Variants in CHID1 observed in about 807,000 individuals in gnomAD.
The protein encoded by CHID1 is chitinase domain-containing protein 1.
CHID1 carries 44 observed loss-of-function variants against 55.4 expected under a neutral mutation model. The ratio of observed to expected loss-of-function variants is 0.79; its 90% CI spans 0.62 to 1.02. The LOEUF (loss-of-function observed/expected upper bound fraction) is 1.02, where lower values mean the gene tolerates loss of function less well. CHID1 is among the 50% of genes least tolerant of loss of function. The pLI, the probability that CHID1 is intolerant of heterozygous loss-of-function variation, is 0.00. For synonymous variants in CHID1, 216 were observed against 212.9 expected, an observed-to-expected ratio of 1.01 and a Z score of -0.13; for missense variants, 491 against 515.3, an observed-to-expected ratio of 0.95 and a Z score of 0.46.
intron 8 of CHID1, among the ~76,000 whole-genome samples, chr11:888,410 G>A (rs973955437): frequency 6.6e-6 from 1 of 152,192 alleles, no homozygotes; most frequent in African/African-American, 2.4e-5. Context: ...AAGGGCCACT[G>A]CCAGGTGTCC....
In CHID1 at chr11:870,111, G is replaced by A. The variant is rs369487093; in HGVS notation, c.1083+10C>T. On this transcript the variant is annotated intron_variant, in intron 12 of 12. Transcript: ENST00000323578. ...CCCTCCCCCGGTCCCACGGCTGGCA[G>A]CACACGCACCTTCAGGGTTGGGTAG... 1 of 1,612,816 alleles carries A rather than the reference G, an allele frequency of 6.2e-7. No individual in the cohort carries two copies. Among genetic ancestry groups the A allele is most frequent in the Non-Finnish European group, 8.5e-7 (1 of 1,179,950 alleles).
At position 869,943 on chromosome 11, in the gene CHID1, C is replaced by G; in HGVS notation, c.1097G>C (p.Arg366Pro). The G allele has an allele frequency of 6.2e-7, 1 of 1,612,852 alleles. No homozygotes were observed. Among genetic ancestry groups the G allele is most frequent in the Non-Finnish European group, 8.5e-7 (1 of 1,179,910 alleles). The change falls in exon 13 of 13, where the codon CGG (arginine) becomes CCG (proline). Residue 366 changes from arginine (R) to proline (P), a missense_variant. Coordinates refer to ENST00000323578, the MANE Select transcript of CHID1 (RefSeq NM_023947.4). ...FYPTLKSLQV[R>P]LELARELGVG... Reference sequence around the variant, plus strand: ...GCCCAGCTCCCGGGCCAGCTCCAGCCGCACCTGCAGGGACTGGGCACAGAT... The same window carrying G: ...GCCCAGCTCCCGGGCCAGCTCCAGCGGCACCTGCAGGGACTGGGCACAGAT...
intron 10 of CHID1, among the ~76,000 whole-genome samples, chr11:881,830 T>C (rs957069125): frequency 6.6e-6 from 1 of 151,408 alleles, no homozygotes; most frequent in Non-Finnish European, 1.5e-5. Flanking sequence ...GGCAAAACCC[T>C]GTCTCTACAA....
upstream of CHID1, among the ~76,000 whole-genome samples, chr11:911,613 T>C (rs1852693046): frequency 6.6e-6 from 1 of 152,172 alleles, no homozygotes; most frequent in African/African-American, 2.4e-5. Flanking sequence ...CAGCTGCTTC[T>C]CCATTTCTGC....
At chr11:882,471 A>C (rs2134169839) in intron 10 of CHID1, 1 of 152,376 alleles carries the variant, frequency 6.6e-6, no homozygotes, top group South Asian at 2.1e-4. Context: ...AAATTTTCCA[A>C]GTTTGCTAAG....
upstream of CHID1, chr11:911,032 C>G (rs1852653479): frequency 6.5e-6 from 1 of 154,840 alleles, no homozygotes; most frequent in African/African-American, 2.4e-5. Flanking sequence ...GGTGCTCGCG[C>G]TGGAGCTGGT....
At chr11:912,322 C>CA (rs905019490), upstream of CHID1, among the ~76,000 whole-genome samples, 67 of 151,462 alleles carry the variant, frequency 4.4e-4, no homozygotes, top group African/African-American at 9.4e-4. Flanking sequence ...CTCAAAAAAA[C>CA]AAAAAAAAGA....
chr11:881,706 C>T (rs1309130885), intron 10 of CHID1, among the ~76,000 whole-genome samples: 1 of 151,536 alleles, frequency 6.6e-6, no homozygotes, highest in African/African-American at 2.4e-5. Flanking sequence ...TTGGGCACAG[C>T]AAGAGAAATG....
At position 878,704 on chromosome 11, in the gene CHID1, CT is replaced by C. The variant is rs910751352; in HGVS notation, c.959+4443del. On this transcript the variant is annotated intron_variant, in intron 10 of 12. Coordinates refer to ENST00000323578, the MANE Select transcript of CHID1 (RefSeq NM_023947.4). ...ATTTGAAGAAATAGTCTTTTTTATT[CT>C]TTTTTTTTTAATTTGAGACAGAGTC... 2.3e-3 allele frequency among the ~76,000 whole-genome samples: 343 copies of C among 149,186 alleles called. 2 individuals carry two copies. The highest frequency in any genetic ancestry group is 7.9e-3 in the African/African-American group (323 of 40,798).
chr11:893,453 C>T lies in CHID1; in HGVS notation c.675G>A (p.Leu225=), dbSNP rs1432280806. 6.4e-7 allele frequency: 1 copy of T among 1,551,508 alleles called. No individual in the cohort carries two copies. The highest frequency in any genetic ancestry group is 8.7e-7 in the Non-Finnish European group (1 of 1,147,320). ...ALHQARLLAL[L]VIPPAITPGT... ...CGGGGGTGATGGCAGGCGGGATGAC[C>T]AGGAGGGCCAGCAGCCGGGCCTGGT... Residue 225 remains leucine (L), a synonymous_variant, in exon 8 of 13, where the codon CTG becomes CTA. Coordinates refer to ENST00000323578, the MANE Select transcript of CHID1 (RefSeq NM_023947.4).
intron 6 of CHID1, among the ~76,000 whole-genome samples, chr11:899,673 C>A (rs1291700432): frequency 1.3e-5 from 2 of 152,242 alleles, no homozygotes; most frequent in Non-Finnish European, 2.9e-5. Context: ...TGGGGGCTCC[C>A]TGACCCGAGG....
chr11:910,926 C>G, upstream of CHID1: 1 of 774,478 alleles, frequency 1.3e-6, no homozygotes, highest in Non-Finnish European at 1.6e-6. Context: ...CTGGGCAGGG[C>G]TGCCCGAAAG....
At chr11:893,788 A>G (rs1851030819) in intron 7 of CHID1, among the ~76,000 whole-genome samples, 1 of 152,060 alleles carries the variant, frequency 6.6e-6, no homozygotes, top group Non-Finnish European at 1.5e-5. Flanking sequence ...AACCAGAGAC[A>G]GCCCCACGTG....
intron 9 of CHID1, 78 bp downstream of exon 9, chr11:883,990 C>A: frequency 8.7e-7 from 1 of 1,154,298 alleles, no homozygotes. Context: ...CAGCTGTGCC[C>A]AGGAGCCCCC....
At chr11:894,173 C>T (rs1009095413) in intron 7 of CHID1, among the ~76,000 whole-genome samples, 1 of 151,508 alleles carries the variant, frequency 6.6e-6, no homozygotes, top group Non-Finnish European at 1.5e-5. Flanking sequence ...TAAGAAAAGG[C>T]CCCCAGCAGG....
At chr11:905,776 G>T (rs961413349) in intron 1 of CHID1, among the ~76,000 whole-genome samples, 2 of 152,128 alleles carry the variant, frequency 1.3e-5, no homozygotes, top group African/African-American at 4.8e-5. Context: ...ACCTATTTAT[G>T]CAGTCTCAGG....
chr11:901,096 G>A, intron 4 of CHID1, 116 bp from the exon 5 acceptor site: 5 of 915,862 alleles, frequency 5.5e-6, no homozygotes, highest in Non-Finnish European at 8.1e-6. Flanking sequence ...GGGCAGGGGC[G>A]GGCAGGCAGG....
At chr11:872,920 G>T (rs1458040872) in intron 10 of CHID1, among the ~76,000 whole-genome samples, 1 of 152,164 alleles carries the variant, frequency 6.6e-6, no homozygotes, top group Non-Finnish European at 1.5e-5. Flanking sequence ...GCTGGGGGTG[G>T]CCAGGACCCC....
intron 3 of CHID1, 46 bp from the exon 4 acceptor site, chr11:902,376 C>G (rs1022758736): frequency 2.4e-5 from 39 of 1,594,678 alleles, no homozygotes; most frequent in Non-Finnish European, 3.0e-5. Context: ...TGAGTGAGCA[C>G]CTGTCTCACC....
Sources: allele counts gnomAD v4.1 joint callset (sites outside exome capture counted in the v4.1 genomes callset), GRCh38; gene constraint gnomAD v4.1.1; transcripts MANE v1.5; gene names NCBI Gene and HGNC (gene_info 2026-07-23, HGNC 2026-07-21).